Variants in DCT observed in about 807,000 individuals in gnomAD.
DCT encodes the protein L-dopachrome tautomerase.
A neutral mutation model predicts 53.0 loss-of-function variants in DCT; 47 were observed. The ratio of observed to expected loss-of-function variants is 0.89; its 90% CI spans 0.70 to 1.13. The LOEUF (loss-of-function observed/expected upper bound fraction) is 1.13. Ranked by LOEUF, DCT falls within the 50% of genes most tolerant of loss-of-function variation. The pLI is 0.00. For synonymous variants in DCT, 244 were observed against 237.0 expected (o/e 1.03, Z -0.27); for missense variants, 669 against 637.4 (o/e 1.05, Z -0.53).
At position 94,462,124 on chromosome 13, in the gene DCT, T is replaced by C; in HGVS notation, c.929A>G (p.Asn310Ser). Residue 310 changes from asparagine to serine, a missense_variant, in exon 5 of 8, where the codon AAT (asparagine) becomes AGT (serine). Transcript: ENST00000377028. ...NGTYEGLLRR[N>S]QMGRNSMKLP... ...TTTCATGCTGTTTCTTCCCATTTGA[T>C]TTCTTCTCAGCAAACCTTCATAGGT... 1 of 1,613,444 alleles carries C rather than the reference T, an allele frequency of 6.2e-7. No homozygotes were observed. The highest frequency in any genetic ancestry group is 8.5e-7 in the Non-Finnish European group (1 of 1,179,760).
At chr13:94,467,561 G>C (rs1427551235) in intron 2 of DCT, 1 of 152,068 alleles carries the variant, frequency 6.6e-6, no homozygotes, top group Non-Finnish European at 1.5e-5. Flanking sequence ...AGCCAAAAGA[G>C]CCTCCTTATC....
the DCT span, among the ~76,000 whole-genome samples, chr13:94,544,458 TA>T: frequency 6.6e-6 from 1 of 152,356 alleles, no homozygotes; most frequent in East Asian, 1.9e-4. Flanking sequence ...CAACTCATTA[TA>T]GGAACACTGG....
Position 94,472,259 on chromosome 13 carries a change from A to G in DCT, c.296-3214T>C, listed in dbSNP as rs142063617. Among the ~76,000 whole-genome samples, 114 of 151,902 alleles carry G rather than the reference A, an allele frequency of 7.5e-4. 1 individual carries two copies. In the East Asian group the frequency reaches 0.017, roughly 23 times the overall value. ...ACAAACAATTTATTGAACAGCTACT[A>G]TCTAAAAGGTAGCCAACACTAAACA... On this transcript the variant is annotated intron_variant, in intron 1 of 7. Coordinates refer to ENST00000377028, the MANE Select transcript of DCT (RefSeq NM_001922.5).
upstream of DCT, among the ~76,000 whole-genome samples, chr13:94,480,492 C>T (rs757443597): frequency 7.2e-5 from 11 of 152,266 alleles, no homozygotes; most frequent in Non-Finnish European, 1.2e-4. Flanking sequence ...GGATGCGAAA[C>T]GGCTTCAGCT....
chr13:94,472,887 T>C (rs1288225225), intron 1 of DCT, among the ~76,000 whole-genome samples: 1 of 151,916 alleles, frequency 6.6e-6, no homozygotes, highest in Non-Finnish European at 1.5e-5. Context: ...CTGCCGTGAG[T>C]TCTATATTGT....
chr13:94,463,239 C>T (rs970425529), intron 4 of DCT, among the ~76,000 whole-genome samples: 2 of 151,534 alleles, frequency 1.3e-5, no homozygotes, highest in African/African-American at 4.9e-5. Flanking sequence ...TGGGCTCAAG[C>T]AATCCTCCTG....
At chr13:94,535,578 T>C in the DCT span, among the ~76,000 whole-genome samples, 460 of 152,322 alleles carry the variant, frequency 3.0e-3, 2 homozygotes, top group African/African-American at 0.011. Flanking sequence ...AGCATTAATG[T>C]AGGCAGTGCC....
At chr13:94,440,675 G>GT (rs1882228183) in intron 7 of DCT, among the ~76,000 whole-genome samples, 209 of 86,690 alleles carry the variant, frequency 2.4e-3, no homozygotes, top group African/African-American at 9.7e-3. Flanking sequence ...TTCATTTTTT[G>GT]GTTTTTTTTT....
the DCT span, among the ~76,000 whole-genome samples, chr13:94,514,231 TGTC>T: frequency 8.5e-5 from 13 of 152,104 alleles, no homozygotes; most frequent in African/African-American, 2.9e-4. Context: ...ACAGATGTGA[TGTC>T]GTAACAACAG....
At chr13:94,441,552 G>A (rs901769568) in intron 7 of DCT, among the ~76,000 whole-genome samples, 9 of 152,044 alleles carry the variant, frequency 5.9e-5, no homozygotes. Flanking sequence ...GTAACCAGGG[G>A]TCTCTATGAA....
the DCT span, among the ~76,000 whole-genome samples, chr13:94,532,820 A>C: frequency 6.6e-6 from 1 of 152,218 alleles, no homozygotes; most frequent in African/African-American, 2.4e-5. Context: ...GCAATCCTTG[A>C]AAAGGGGGCT....
chr13:94,443,482 A>G lies in DCT; in HGVS notation c.1335T>C (p.Phe445=), dbSNP rs1882489739. The G allele has an allele frequency of 1.2e-6, 2 of 1,614,126 alleles. No homozygotes were observed. Among genetic ancestry groups the G allele is most frequent in the Middle Eastern group, 3.3e-4 (2 of 6,060 alleles). The part of the protein sequence containing the change: ...FFPPVTNEEL[F]LTSDQLGYSY... ...TGTAGCCAAGTTGGTCTGAGGTTAA[A>G]AAGAGTTCTTCATTAGTCACTGGAG... Residue 445 remains phenylalanine (F), a synonymous_variant, in exon 7 of 8, where the codon TTT becomes TTC. Transcript: ENST00000377028.
intron 2 of DCT, chr13:94,468,524 G>C (rs146795225): frequency 2.0e-6 from 1 of 494,648 alleles, no homozygotes; most frequent in South Asian, 3.1e-5. Context: ...AAGAACATAC[G>C]GTAGAGGAGA....
chr13:94,474,413 A>C lies in DCT; in HGVS notation c.295+4548T>G, dbSNP rs185494071. ...CCTATTCCTTTTAATTAGAGATTCT[A>C]TTATTTTAATAACAATACTTTATAC... On this transcript the variant is annotated intron_variant, in intron 1 of 7. Coordinates refer to ENST00000377028, the MANE Select transcript of DCT (RefSeq NM_001922.5). Among the ~76,000 whole-genome samples the C allele has an allele frequency of 4.5e-3, 687 of 152,334 alleles. 4 individuals carry two copies. Among genetic ancestry groups the C allele is most frequent in the African/African-American group, 0.016 (670 of 41,574 alleles).
the DCT span, among the ~76,000 whole-genome samples, chr13:94,522,060 T>C: frequency 6.6e-6 from 1 of 152,212 alleles, no homozygotes; most frequent in African/African-American, 2.4e-5. Flanking sequence ...TGTTGTAGCA[T>C]GTATCAGGAC....
chr13:94,460,671 G>T (rs758683543), intron 5 of DCT, among the ~76,000 whole-genome samples: 3 of 151,996 alleles, frequency 2.0e-5, no homozygotes, highest in Non-Finnish European at 2.9e-5. Context: ...GAGGTAGGAG[G>T]ATCACTTGAG....
At chr13:94,441,665 T>G (rs764746599) in intron 7 of DCT, among the ~76,000 whole-genome samples, 1 of 152,240 alleles carries the variant, frequency 6.6e-6, no homozygotes, top group Non-Finnish European at 1.5e-5. Flanking sequence ...TGTTGTGGCA[T>G]GTATCAGAAT....
At chr13:94,447,552 C>T (rs1023077514) in intron 6 of DCT, among the ~76,000 whole-genome samples, 3 of 152,204 alleles carry the variant, frequency 2.0e-5, no homozygotes, top group Non-Finnish European at 4.4e-5. Context: ...TGCTTTACAC[C>T]ACCACACTGT....
chr13:94,525,039 A>C, the DCT span, among the ~76,000 whole-genome samples: 61,178 of 151,822 alleles, frequency 0.4, 13,052 homozygotes, highest in East Asian at 0.61. Flanking sequence ...TCCTGATATA[A>C]CTGAGAAGAA....
Sources: gnomAD v4.1 joint callset for allele counts (sites outside exome capture counted in the v4.1 genomes callset) on GRCh38, gnomAD v4.1.1 for gene constraint, MANE v1.5 for transcripts, NCBI Gene and HGNC (gene_info 2026-07-23, HGNC 2026-07-21) for gene names.